TENM1: variants seen among roughly 807,000 people sequenced by gnomAD.
TENM1 encodes teneurin-1.
TENM1 carries 35 observed loss-of-function variants against 174.8 expected under a neutral mutation model. The observed-to-expected ratio is 0.20, with a 90% CI of 0.15 to 0.27. TENM1 has a LOEUF of 0.27. Ranked by LOEUF, TENM1 falls within the 10% of genes least tolerant of loss-of-function variation. TENM1 has a pLI of 1.00. For synonymous variants in TENM1, 781 were observed against 798.7 expected (o/e 0.98, Z 0.37); for missense variants, 1,633 against 2,130.1 (o/e 0.77, Z 4.59).
intron 14 of TENM1, among the ~76,000 whole-genome samples, chrX:124,560,872 T>C (rs1448874772): frequency 9.0e-6 from 1 of 111,494 alleles, no homozygotes; most frequent in African/African-American, 3.3e-5. Flanking sequence ...ATGTGGAAAG[T>C]GAGGATTTGT....
exon 24 of TENM1, chrX:124,422,464 C>T: frequency 8.3e-7 from 1 of 1,211,427 alleles, no homozygotes; most frequent in Non-Finnish European, 1.1e-6. Context: ...GAGTGAATTG[C>T]TACCTTGCTG....
intron 11 of TENM1, among the ~76,000 whole-genome samples, chrX:124,586,392 T>C (rs2049513948): frequency 9.4e-6 from 1 of 106,445 alleles, no homozygotes; most frequent in South Asian, 4.3e-4. Flanking sequence ...TATACGCAAA[T>C]CAAGAAATGT....
chrX:124,681,247 G>A (rs190774803), intron 5 of TENM1, among the ~76,000 whole-genome samples: 121 of 111,522 alleles, frequency 1.1e-3, no homozygotes, highest in Admixed American at 2.0e-3. Context: ...GGGAAGACAG[G>A]ATATGATAGA....
intron 22 of TENM1, among the ~76,000 whole-genome samples, chrX:124,466,643 G>A (rs1434769609): frequency 9.0e-6 from 1 of 111,669 alleles, no homozygotes; most frequent in South Asian, 3.8e-4. Flanking sequence ...ACATTTTAGG[G>A]TGCTAACTGT....
intron 3 of TENM1, among the ~76,000 whole-genome samples, chrX:124,858,156 C>A (rs2056847353): frequency 8.9e-6 from 1 of 112,127 alleles, no homozygotes; most frequent in African/African-American, 3.2e-5. Context: ...GATTCTTAGT[C>A]CTTTGACAAA....
At chrX:125,193,463 C>T in the TENM1 span, among the ~76,000 whole-genome samples, 3 of 111,822 alleles carry the variant, frequency 2.7e-5, no homozygotes, top group Admixed American at 9.5e-5. Flanking sequence ...CCAAAGGATC[C>T]TCCTGCCTCA....
intron 1 of TENM1, among the ~76,000 whole-genome samples, chrX:124,902,274 T>C (rs1451034563): frequency 1.8e-5 from 2 of 112,228 alleles, no homozygotes; most frequent in Non-Finnish European, 3.8e-5. Context: ...TAGTACATAT[T>C]AGTTAAATAA....
intron 11 of TENM1, among the ~76,000 whole-genome samples, chrX:124,580,116 G>A (rs2049265523): frequency 9.0e-6 from 1 of 111,353 alleles, no homozygotes; most frequent in African/African-American, 3.3e-5. Flanking sequence ...GAAAGAGGGT[G>A]GTGCTAATTC....
At chrX:125,160,469 C>T in the TENM1 span, among the ~76,000 whole-genome samples, 8 of 94,160 alleles carry the variant, frequency 8.5e-5, no homozygotes, top group South Asian at 5.9e-4. Flanking sequence ...TGCTTGAACC[C>T]GGTAGGCGGA....
At chrX:124,862,766 T>C (rs960279958) in intron 3 of TENM1, among the ~76,000 whole-genome samples, 4 of 109,913 alleles carry the variant, frequency 3.6e-5, no homozygotes, top group Admixed American at 9.7e-5. Flanking sequence ...GGGAGGGGCA[T>C]GTAACATACT....
chrX:124,952,527 A>C (rs2058506750), intron 1 of TENM1, among the ~76,000 whole-genome samples: 1 of 111,409 alleles, frequency 9.0e-6, no homozygotes, highest in Non-Finnish European at 1.9e-5. Flanking sequence ...TATTTATTGA[A>C]TAATTTGAGA....
the TENM1 span, among the ~76,000 whole-genome samples, chrX:125,163,933 C>T: frequency 3.6e-5 from 4 of 111,594 alleles, no homozygotes; most frequent in African/African-American, 9.8e-5. Context: ...AAGGCTGTAT[C>T]GACACAACAC....
At chrX:125,079,497 A>G in the TENM1 span, among the ~76,000 whole-genome samples, 2 of 112,176 alleles carry the variant, frequency 1.8e-5, no homozygotes, top group Admixed American at 9.4e-5. Flanking sequence ...ATCTTTCTGT[A>G]TATTCCAAGT....
In TENM1 at chrX:124,929,113, A is replaced by T. The variant is rs756615254; in HGVS notation, c.218-32872T>A. 4.6e-5 allele frequency among the ~76,000 whole-genome samples: 5 copies of T among 109,143 alleles called. No individual in the cohort carries two copies. In the South Asian group the frequency reaches 2.0e-3, roughly 43 times the overall value. 94.8% of individuals were successfully genotyped at this position (109,143 alleles called of 115,157 possible). A position where few individuals can be genotyped will look rare whatever the true frequency, so the allele number is the denominator to read the frequency against. ...GTGCATAGATTTCCTTCCTTTTCTC[A>T]CTCTTACTCTTTAAATTCGACCTGT... On this transcript the variant is annotated intron_variant, in intron 1 of 31. Coordinates refer to ENST00000422452, the Ensembl canonical transcript of TENM1.
intron 1 of TENM1, among the ~76,000 whole-genome samples, chrX:124,918,020 C>A (rs747472924): frequency 1.8e-5 from 2 of 111,753 alleles, no homozygotes; most frequent in African/African-American, 6.5e-5. Context: ...ATGCTGGTTT[C>A]TTAGCTCAGG....
At chrX:124,807,006 T>C (rs978066998) in intron 3 of TENM1, among the ~76,000 whole-genome samples, 1 of 111,870 alleles carries the variant, frequency 8.9e-6, no homozygotes, top group African/African-American at 3.3e-5. Context: ...GGTGAGGGCC[T>C]CAGGAAGTTT....
chrX:124,590,589 T>C (rs2049710582), intron 11 of TENM1, among the ~76,000 whole-genome samples: 1 of 112,035 alleles, frequency 8.9e-6, no homozygotes, highest in Non-Finnish European at 1.9e-5. Context: ...TATTCCACTG[T>C]GGTCCAAGAG....
chrX:124,569,814 T>C (rs2049019186), intron 11 of TENM1, among the ~76,000 whole-genome samples: 1 of 110,000 alleles, frequency 9.1e-6, no homozygotes, highest in Non-Finnish European at 1.9e-5. Flanking sequence ...TTCTTAGAAA[T>C]CAGAAAAAGA....
At chrX:124,778,606 T>C (rs1294952616) in intron 3 of TENM1, among the ~76,000 whole-genome samples, 1 of 112,264 alleles carries the variant, frequency 8.9e-6, no homozygotes, top group Non-Finnish European at 1.9e-5. Flanking sequence ...AGGGAATGCA[T>C]TTATATTTCT....
Sources: allele counts gnomAD v4.1 joint callset (sites outside exome capture counted in the v4.1 genomes callset), GRCh38; gene constraint gnomAD v4.1.1; transcripts MANE v1.5; gene names NCBI Gene and HGNC (gene_info 2026-07-23, HGNC 2026-07-21).